The following LRMDA variants were observed in gnomAD, a reference collection of about 807,000 sequenced individuals.
The protein encoded by LRMDA is leucine rich melanocyte differentiation associated, also known as leucine-rich melanocyte differentiation-associated protein.
In LRMDA, 18 loss-of-function variants were observed where a neutral mutation model predicts 29.8. That is an observed-to-expected ratio of 0.60 (90% CI 0.42 to 0.90). The LOEUF (loss-of-function observed/expected upper bound fraction) is 0.90. Ranked by LOEUF, LRMDA falls within the 40% of genes least tolerant of loss-of-function variation. The probability of loss-of-function intolerance (pLI) is 0.00; values close to 1 mark genes in which losing one functional copy is unlikely to be tolerated. For missense variants in LRMDA, 273 were observed against 273.9 expected, an observed-to-expected ratio of 1.00 and a Z score of 0.02; for synonymous variants, 125 against 109.4, an observed-to-expected ratio of 1.14 and a Z score of -0.89.
chr10:76,211,639 T>C (rs112512722), intron 5 of LRMDA, among the ~76,000 whole-genome samples: 1 of 152,372 alleles, frequency 6.6e-6, no homozygotes, highest in African/African-American at 2.4e-5. Context: ...GATAGGTTTT[T>C]AGGTTTTGCT....
chr10:76,230,602 T>C (rs1173075654), intron 5 of LRMDA, among the ~76,000 whole-genome samples: 1 of 149,678 alleles, frequency 6.7e-6, no homozygotes, highest in Non-Finnish European at 1.5e-5. Flanking sequence ...AAAATAAATA[T>C]ATATTTGGGG....
chr10:76,398,487 G>C (rs1841813504), intron 6 of LRMDA, among the ~76,000 whole-genome samples: 1 of 152,150 alleles, frequency 6.6e-6, no homozygotes, highest in Non-Finnish European at 1.5e-5. Context: ...GACCCTCAAA[G>C]GGGCAATTGT....
chr10:76,256,384 ACT>A (rs1852593616), intron 5 of LRMDA, among the ~76,000 whole-genome samples: 2 of 152,056 alleles, frequency 1.3e-5, no homozygotes, highest in African/African-American at 2.4e-5. Flanking sequence ...TTCATTAAAC[ACT>A]CTGTTGTGCT....
chr10:76,255,799 AAAT>A (rs1852583957), intron 5 of LRMDA, among the ~76,000 whole-genome samples: 1 of 152,238 alleles, frequency 6.6e-6, no homozygotes, highest in African/African-American at 2.4e-5. Context: ...GAAGTATACC[AAAT>A]GGAATAAAAT....
At chr10:75,629,660 A>G (rs1213096958) in intron 2 of LRMDA, among the ~76,000 whole-genome samples, 1 of 152,188 alleles carries the variant, frequency 6.6e-6, no homozygotes, top group Non-Finnish European at 1.5e-5. Context: ...TATTACAGTA[A>G]TAAGTGTGAA....
intron 6 of LRMDA, among the ~76,000 whole-genome samples, chr10:76,355,359 G>T (rs898941888): frequency 1.3e-5 from 2 of 152,118 alleles, no homozygotes; most frequent in African/African-American, 4.8e-5. Flanking sequence ...TAAAGAAATT[G>T]TAAGAAGCAC....
chr10:75,667,526 C>T (rs114486444), intron 2 of LRMDA, among the ~76,000 whole-genome samples: 4,634 of 152,272 alleles, frequency 0.03, 248 homozygotes, highest in African/African-American at 0.11. Context: ...TCTCAAACTC[C>T]TGGCCTCAAA....
chr10:75,949,438 G>A (rs1284854177), intron 2 of LRMDA, among the ~76,000 whole-genome samples: 1 of 152,202 alleles, frequency 6.6e-6, no homozygotes, highest in Non-Finnish European at 1.5e-5. Context: ...AGTCTCAGGG[G>A]ATAGCCATGT....
Position 75,820,038 on chromosome 10 carries a change from G to T in LRMDA, c.132-215970G>T, listed in dbSNP as rs932889975. The stretch of plus-strand genomic sequence containing the variant: ...ATAAATAATATTAGACCTACAAAAA[G>T]ATGTAGAACCAATACAGTAATAAGG... On this transcript the variant is annotated intron_variant, in intron 2 of 6. Coordinates refer to ENST00000611255, the MANE Select transcript of LRMDA (RefSeq NM_001305581.2). Among the ~76,000 whole-genome samples the T allele has an allele frequency of 2.0e-5, 3 of 152,108 alleles. No individual in the cohort carries two copies. In the South Asian group the frequency reaches 6.2e-4, roughly 32 times the overall value.
At chr10:75,500,285 C>T (rs929913955) in intron 2 of LRMDA, among the ~76,000 whole-genome samples, 4 of 152,182 alleles carry the variant, frequency 2.6e-5, no homozygotes, top group African/African-American at 9.7e-5. Context: ...CTGATGACCA[C>T]TAAGATAAAT....
intron 2 of LRMDA, among the ~76,000 whole-genome samples, chr10:75,972,429 A>T (rs936287391): frequency 1.3e-5 from 2 of 152,114 alleles, no homozygotes; most frequent in Non-Finnish European, 2.9e-5. Flanking sequence ...CTGAGATTAA[A>T]ATTTGGGTTA....
intron 6 of LRMDA, among the ~76,000 whole-genome samples, chr10:76,438,128 G>A (rs771255775): frequency 2.8e-4 from 43 of 152,096 alleles, no homozygotes; most frequent in Non-Finnish European, 5.0e-4. Flanking sequence ...AGAACCCTTG[G>A]CATCTGTGCT....
chr10:75,659,796 C>G (rs1424657316), intron 2 of LRMDA, among the ~76,000 whole-genome samples: 1 of 152,064 alleles, frequency 6.6e-6, no homozygotes, highest in East Asian at 1.9e-4. Flanking sequence ...GTGTCTCCCC[C>G]TCCTTCTCTT....
chr10:75,852,461 C>T (rs1032702129), intron 2 of LRMDA, among the ~76,000 whole-genome samples: 3 of 151,774 alleles, frequency 2.0e-5, no homozygotes, highest in Non-Finnish European at 4.4e-5. Flanking sequence ...AAATTAGTTT[C>T]ATTTAGGACC....
At chr10:75,851,134 T>C (rs1251514840) in intron 2 of LRMDA, among the ~76,000 whole-genome samples, 1 of 152,212 alleles carries the variant, frequency 6.6e-6, no homozygotes, top group Non-Finnish European at 1.5e-5. Flanking sequence ...TCCATTATCT[T>C]GTGTCTAGAA....
intron 5 of LRMDA, among the ~76,000 whole-genome samples, chr10:76,219,181 C>T (rs1851782396): frequency 1.3e-5 from 2 of 152,124 alleles, no homozygotes; most frequent in African/African-American, 4.8e-5. Flanking sequence ...TAAAGACCAT[C>T]GAGGCTAGGA....
intron 2 of LRMDA, among the ~76,000 whole-genome samples, chr10:76,030,025 A>G (rs1848123037): frequency 6.6e-6 from 1 of 152,100 alleles, no homozygotes; most frequent in Non-Finnish European, 1.5e-5. Context: ...CCTCCTGAAT[A>G]GCTGGGACTA....
At position 76,309,601 on chromosome 10, in the gene LRMDA, T is replaced by C. The variant is rs545303311; in HGVS notation, c.517-14800T>C. Among the ~76,000 whole-genome samples, 45 of 152,304 alleles carry C rather than the reference T, an allele frequency of 3.0e-4. No homozygotes were observed. In the South Asian group the frequency reaches 9.3e-3, roughly 32 times the overall value. On this transcript the variant is annotated intron_variant, in intron 5 of 6. Transcript: ENST00000611255. ...TCTTGAAAGGCGGGTGTCTCCCTCT[T>C]ATTACTAGGAATTTCCAAGTTTTGC...
intron 5 of LRMDA, among the ~76,000 whole-genome samples, chr10:76,067,088 C>G (rs930814770): frequency 6.6e-6 from 1 of 152,198 alleles, no homozygotes; most frequent in Non-Finnish European, 1.5e-5. Flanking sequence ...GTGAGTAGCT[C>G]TGATTCTGGG....
Sources: allele counts gnomAD v4.1 joint callset (sites outside exome capture counted in the v4.1 genomes callset), GRCh38; gene constraint gnomAD v4.1.1; transcripts MANE v1.5; gene names NCBI Gene and HGNC (gene_info 2026-07-23, HGNC 2026-07-21).